The following RORA variants were observed in gnomAD, a reference collection of about 807,000 sequenced individuals.
RORA encodes nuclear receptor ROR-alpha.
In RORA, 7 loss-of-function variants were observed where a neutral mutation model predicts 69.5. That is an observed-to-expected ratio of 0.10 (90% CI 0.06 to 0.19). The LOEUF is 0.19. Among genes scored for constraint, RORA ranks in the 10% least tolerant of loss-of-function variants. The pLI, the probability that RORA is intolerant of heterozygous loss-of-function variation, is 1.00. For missense variants in RORA, 457 were observed against 663.0 expected, an observed-to-expected ratio of 0.69 and a Z score of 3.41; for synonymous variants, 261 against 240.8, an observed-to-expected ratio of 1.08 and a Z score of -0.78.
chr15:61,024,995 T>G (rs1369147618), intron 1 of RORA, among the ~76,000 whole-genome samples: 1 of 152,230 alleles, frequency 6.6e-6, no homozygotes, highest in African/African-American at 2.4e-5. Flanking sequence ...TTGGTTTTTG[T>G]ATTTCATGGT....
At chr15:60,816,004 CAGTATAAGTATTTATATACTATATAT>C (rs909168794) in intron 1 of RORA, among the ~76,000 whole-genome samples, 4 of 103,138 alleles carry the variant, frequency 3.9e-5, no homozygotes, top group Non-Finnish European at 6.3e-5. Context: ...ATACTATAAA[CAGTATAAGTATTTATATACTATATAT>C]AGTATATATA....
chr15:61,020,779 T>C (rs1032972661), intron 1 of RORA, among the ~76,000 whole-genome samples: 1 of 152,206 alleles, frequency 6.6e-6, no homozygotes, highest in South Asian at 2.1e-4. Context: ...ATTCCCAAAC[T>C]GACAAAACTT....
intron 1 of RORA, among the ~76,000 whole-genome samples, chr15:61,127,337 A>G (rs1426215483): frequency 6.6e-6 from 1 of 152,224 alleles, no homozygotes; most frequent in African/African-American, 2.4e-5. Flanking sequence ...CATGCAGACT[A>G]TTAAACAAAT....
intron 1 of RORA, among the ~76,000 whole-genome samples, chr15:61,177,599 G>A (rs2079641388): frequency 6.6e-6 from 1 of 151,694 alleles, no homozygotes; most frequent in East Asian, 1.9e-4. Context: ...GGCCAGGGTG[G>A]GAGTCAAAGA....
intron 1 of RORA, among the ~76,000 whole-genome samples, chr15:60,974,647 G>T (rs181926742): frequency 6.6e-6 from 1 of 152,292 alleles, no homozygotes; most frequent in Admixed American, 6.5e-5. Context: ...CTGAGTCTGT[G>T]CCAGGTTCCT....
At chr15:60,637,048 G>A (rs1402446119) in intron 2 of RORA, among the ~76,000 whole-genome samples, 1 of 151,600 alleles carries the variant, frequency 6.6e-6, no homozygotes, top group Non-Finnish European at 1.5e-5. Context: ...TGGTTTTTGT[G>A]TGCATTAATC....
At chr15:60,840,637 A>C (rs984000654) in intron 1 of RORA, among the ~76,000 whole-genome samples, 1 of 152,218 alleles carries the variant, frequency 6.6e-6, no homozygotes, top group African/African-American at 2.4e-5. Flanking sequence ...GGGACACTGC[A>C]TGTGTCCCGC....
intron 9 of RORA, 62 bp from the exon 10 acceptor site, chr15:60,500,066 T>A (rs1326985155): frequency 2.9e-6 from 3 of 1,033,928 alleles, no homozygotes; most frequent in African/African-American, 3.2e-5. Flanking sequence ...ATCCTTCTTC[T>A]CCGGATTCTT....
At chr15:60,571,531 T>G (rs2067881118) in intron 2 of RORA, among the ~76,000 whole-genome samples, 1 of 152,196 alleles carries the variant, frequency 6.6e-6, no homozygotes, top group African/African-American at 2.4e-5. Context: ...TTACAGCACT[T>G]TTTGGTATCA....
chr15:60,747,492 G>A (rs990601213), intron 1 of RORA, among the ~76,000 whole-genome samples: 4 of 152,184 alleles, frequency 2.6e-5, no homozygotes, highest in Non-Finnish European at 5.9e-5. Flanking sequence ...TTAAATAGAA[G>A]AATACATACA....
intron 1 of RORA, among the ~76,000 whole-genome samples, chr15:60,975,265 T>C (rs1304368675): frequency 6.6e-6 from 1 of 152,124 alleles, no homozygotes; most frequent in African/African-American, 2.4e-5. Flanking sequence ...CAATCCGTCA[T>C]AACATACATT....
intron 1 of RORA, among the ~76,000 whole-genome samples, chr15:61,051,770 T>C (rs2078018003): frequency 6.6e-6 from 1 of 152,206 alleles, no homozygotes; most frequent in Non-Finnish European, 1.5e-5. Flanking sequence ...CCGCCTGGGC[T>C]TCAAAACATT....
chr15:60,764,025 T>G (rs2140874949), intron 1 of RORA: 1 of 152,240 alleles, frequency 6.6e-6, no homozygotes, highest in East Asian at 1.9e-4. Context: ...ATCAAGAACT[T>G]CACTTTCCTG....
chr15:60,865,700 C>T (rs1041178479), intron 1 of RORA, among the ~76,000 whole-genome samples: 1 of 152,170 alleles, frequency 6.6e-6, no homozygotes, highest in Non-Finnish European at 1.5e-5. Context: ...CAGCTCAGTA[C>T]GAAGGCCAAC....
intron 1 of RORA, among the ~76,000 whole-genome samples, chr15:60,729,155 A>G (rs1018861461): frequency 1.3e-5 from 2 of 152,112 alleles, no homozygotes; most frequent in Non-Finnish European, 2.9e-5. Flanking sequence ...GGCAGGCCCC[A>G]ACACTGGGTT....
At chr15:61,007,003 T>C (rs1462629835) in intron 1 of RORA, among the ~76,000 whole-genome samples, 1 of 152,048 alleles carries the variant, frequency 6.6e-6, no homozygotes, top group Non-Finnish European at 1.5e-5. Context: ...ATAATGCATT[T>C]GTGGTTAAGA....
At chr15:61,178,862 C>T (rs1291613587) in intron 1 of RORA, among the ~76,000 whole-genome samples, 1 of 152,178 alleles carries the variant, frequency 6.6e-6, no homozygotes, top group Admixed American at 6.5e-5. Context: ...ACCATATAGA[C>T]TATACCCGCT....
At chr15:60,539,172 T>G (rs1408127133) in intron 2 of RORA, among the ~76,000 whole-genome samples, 2 of 152,228 alleles carry the variant, frequency 1.3e-5, no homozygotes, top group East Asian at 3.8e-4. Context: ...ATGTCCCATC[T>G]GAATTAAGAG....
chr15:61,003,295 T>C (rs1438510959), intron 1 of RORA, among the ~76,000 whole-genome samples: 2 of 152,208 alleles, frequency 1.3e-5, no homozygotes, highest in Non-Finnish European at 1.5e-5. Flanking sequence ...CCAAGCCTTT[T>C]AGAAGTCTTG....
Sources: gnomAD v4.1 joint callset for allele counts (sites outside exome capture counted in the v4.1 genomes callset) on GRCh38, gnomAD v4.1.1 for gene constraint, MANE v1.5 for transcripts, NCBI Gene and HGNC (gene_info 2026-07-23, HGNC 2026-07-21) for gene names.